Variants in PPP3CA observed in about 807,000 individuals in gnomAD.
PPP3CA encodes the protein CAM-PRP catalytic subunit.
Under a neutral mutation model 66.5 loss-of-function variants are expected in PPP3CA, and 14 were observed. The observed-to-expected ratio is 0.21, with a 90% CI of 0.14 to 0.33. The LOEUF is 0.33. Among genes scored for constraint, PPP3CA ranks in the 10% least tolerant of loss-of-function variants. The pLI is 1.00. For missense variants in PPP3CA, 317 were observed against 639.5 expected (o/e 0.50, Z 5.44); for synonymous variants, 232 against 226.2 (o/e 1.03, Z -0.23).
chr4:101,225,931 G>C (rs963984778), intron 1 of PPP3CA, among the ~76,000 whole-genome samples: 1 of 151,710 alleles, frequency 6.6e-6, no homozygotes, highest in Admixed American at 6.6e-5. Context: ...TGGGGAGTAA[G>C]AAACATGATG....
chr4:101,080,225 A>G (rs1259220281), intron 8 of PPP3CA, among the ~76,000 whole-genome samples: 5 of 152,162 alleles, frequency 3.3e-5, no homozygotes, highest in African/African-American at 1.2e-4. Flanking sequence ...AAGAAGCATG[A>G]TTTTGGATTA....
intron 1 of PPP3CA, among the ~76,000 whole-genome samples, chr4:101,318,537 TATTAA>T (rs1253600292): frequency 6.6e-6 from 1 of 152,172 alleles, no homozygotes; most frequent in African/African-American, 2.4e-5. Flanking sequence ...AATCATGAAG[TATTAA>T]ATTATATTGT....
At chr4:101,203,866 T>C (rs558977321) in intron 1 of PPP3CA, among the ~76,000 whole-genome samples, 55 of 152,380 alleles carry the variant, frequency 3.6e-4, no homozygotes, top group Middle Eastern at 3.4e-3. Context: ...TAATGAATTA[T>C]GTAATAATGA....
intron 10 of PPP3CA, among the ~76,000 whole-genome samples, chr4:101,051,980 A>G (rs1278135481): frequency 2.0e-5 from 3 of 152,086 alleles, no homozygotes; most frequent in African/African-American, 4.8e-5. Context: ...ATGCTGGCCA[A>G]TGGTGGACAT....
chr4:101,332,698 T>A (rs543378080), intron 1 of PPP3CA, among the ~76,000 whole-genome samples: 1 of 152,378 alleles, frequency 6.6e-6, no homozygotes, highest in South Asian at 2.1e-4. Context: ...CTAGACATTT[T>A]ACATAATATT....
At chr4:101,321,868 G>A (rs1027954329) in intron 1 of PPP3CA, among the ~76,000 whole-genome samples, 5 of 152,160 alleles carry the variant, frequency 3.3e-5, no homozygotes, top group African/African-American at 1.2e-4. Flanking sequence ...GAAGAAAGAG[G>A]AAAAACAAGC....
chr4:101,323,542 A>T (rs1729106827), intron 1 of PPP3CA, among the ~76,000 whole-genome samples: 1 of 152,188 alleles, frequency 6.6e-6, no homozygotes, highest in Admixed American at 6.5e-5. Flanking sequence ...TCCCTGCTCA[A>T]ATCAGGAATC....
intron 1 of PPP3CA, among the ~76,000 whole-genome samples, chr4:101,294,252 T>C (rs553578345): frequency 4.6e-5 from 7 of 152,230 alleles, no homozygotes; most frequent in Non-Finnish European, 1.0e-4. Flanking sequence ...TTCTTGGACC[T>C]TGTGCCTTCA....
At chr4:101,272,577 T>C (rs1727368726) in intron 1 of PPP3CA, among the ~76,000 whole-genome samples, 1 of 152,214 alleles carries the variant, frequency 6.6e-6, no homozygotes, top group Non-Finnish European at 1.5e-5. Context: ...CTCAGAGAAG[T>C]AGCACACAAA....
chr4:101,212,842 A>G (rs1725340109), intron 1 of PPP3CA, among the ~76,000 whole-genome samples: 1 of 148,988 alleles, frequency 6.7e-6, no homozygotes, highest in African/African-American at 2.4e-5. Context: ...ATGTTTTATT[A>G]AAAAAAAAAT....
intron 2 of PPP3CA, among the ~76,000 whole-genome samples, chr4:101,183,057 T>G (rs1439512212): frequency 6.6e-6 from 1 of 152,114 alleles, no homozygotes; most frequent in African/African-American, 2.4e-5. Flanking sequence ...ACTAATACAG[T>G]ATTAGAATGC....
At chr4:101,124,725 G>GAAAGAAAGAAAGAAAAAGAAAGAAAGAA (rs1412415941) in intron 2 of PPP3CA, among the ~76,000 whole-genome samples, 1 of 58,768 alleles carries the variant, frequency 1.7e-5, no homozygotes, top group Non-Finnish European at 3.8e-5. Context: ...AAGAAAGAAA[G>GAAAGAAAGAAAGAAAAAGAAAGAAAGAA]AGAAAGAAAG....
chr4:101,048,553 A>G lies in PPP3CA; in HGVS notation c.1157-7987T>C, dbSNP rs982625471. Among the ~76,000 whole-genome samples, 6 of 148,418 alleles carry G rather than the reference A, an allele frequency of 4.0e-5. No homozygotes were observed. The Admixed American group carries it at 4.2e-4, about 10-fold the overall frequency. ...AAAAAAAAGCCATATGTATGCCTAT[A>G]TAAGTTACTATTTTGGGCAAAAGAG... On this transcript the variant is annotated intron_variant, in intron 10 of 13. Coordinates refer to ENST00000394854, the MANE Select transcript of PPP3CA (RefSeq NM_000944.5).
chr4:101,089,630 C>G (rs571262417), intron 6 of PPP3CA, among the ~76,000 whole-genome samples: 1 of 152,174 alleles, frequency 6.6e-6, no homozygotes, highest in African/African-American at 2.4e-5. Flanking sequence ...AACCTAAACA[C>G]CAAATCCAGC....
chr4:101,125,669 C>A (rs1315058037), intron 2 of PPP3CA, among the ~76,000 whole-genome samples: 1 of 152,156 alleles, frequency 6.6e-6, no homozygotes, highest in East Asian at 1.9e-4. Flanking sequence ...ATATATTTCT[C>A]TTTATCATAA....
At position 101,302,646 on chromosome 4, in the gene PPP3CA, T is replaced by C. The variant is rs139170872; in HGVS notation, c.58+44093A>G. Among the ~76,000 whole-genome samples the C allele has an allele frequency of 3.0e-3, 451 of 152,248 alleles. 4 individuals are homozygous for C. Among genetic ancestry groups the C allele is most frequent in the African/African-American group, 0.01 (428 of 41,546 alleles). ...CCTGGTTCAAGCGATTCTCCTGCCTTAGCCTCCCTAGTAGCTGGGACTACA... is the reference window on the plus strand; with the variant it reads ...CCTGGTTCAAGCGATTCTCCTGCCTCAGCCTCCCTAGTAGCTGGGACTACA... On this transcript the variant is annotated intron_variant, in intron 1 of 13. Coordinates refer to ENST00000394854, the MANE Select transcript of PPP3CA (RefSeq NM_000944.5).
At chr4:101,335,989 G>C (rs1277435397) in intron 1 of PPP3CA, among the ~76,000 whole-genome samples, 3 of 152,072 alleles carry the variant, frequency 2.0e-5, no homozygotes, top group Non-Finnish European at 4.4e-5. Flanking sequence ...TGGATCACCT[G>C]AGGTCAGGAG....
At chr4:101,316,466 T>C (rs1046916347) in intron 1 of PPP3CA, among the ~76,000 whole-genome samples, 1 of 152,164 alleles carries the variant, frequency 6.6e-6, no homozygotes. Context: ...GAATTACTGT[T>C]TCTGTCAGAC....
chr4:101,324,224 A>AAGGAAGGAAG (rs1729142112), intron 1 of PPP3CA, among the ~76,000 whole-genome samples: 1 of 108,236 alleles, frequency 9.2e-6, no homozygotes, highest in Non-Finnish European at 2.0e-5. Context: ...AAGGAAGGAA[A>AAGGAAGGAAG]GGAGGGAAGG....
Sources: allele counts gnomAD v4.1 joint callset (sites outside exome capture counted in the v4.1 genomes callset), GRCh38; gene constraint gnomAD v4.1.1; transcripts MANE v1.5; gene names NCBI Gene and HGNC (gene_info 2026-07-23, HGNC 2026-07-21).